Variants in RARS2 observed in about 807,000 individuals in gnomAD.
RARS2 encodes the protein arginyl-tRNA synthetase 2, mitochondrial.
Under a neutral mutation model 88.5 loss-of-function variants are expected in RARS2, and 67 were observed. The ratio of observed to expected loss-of-function variants is 0.76; its 90% CI spans 0.62 to 0.93. The LOEUF (loss-of-function observed/expected upper bound fraction) is 0.93. RARS2 is among the 40% of genes least tolerant of loss of function. The pLI is 0.00. For missense variants in RARS2, 664 were observed against 684.2 expected (o/e 0.97, Z 0.33); for synonymous variants, 239 against 230.3 (o/e 1.04, Z -0.34).
chr6:87,550,701 C>T (rs1432592109), intron 5 of RARS2, among the ~76,000 whole-genome samples: 1 of 132,354 alleles, frequency 7.6e-6, no homozygotes, highest in East Asian at 2.1e-4. Flanking sequence ...TCAATGAAGC[C>T]GATTTAAGAA....
chr6:87,514,445 G>A lies in RARS2; in HGVS notation c.1705C>T (p.Leu569Phe), dbSNP rs371417663. Residue 569 changes from leucine (L) to phenylalanine (F), a missense_variant, in exon 20 of 20, where the codon CTT becomes TTT. Physicochemically the swap from Leu to Phe is conservative, Grantham distance 22 (BLOSUM62 0). Transcript: ENST00000369536. ...VRSVLANGMK[L>F]LGITPVCRM is the part of the protein sequence containing the mutation. ...CTACATACAGGTGTTATTCCAAGAA[G>A]TTTCATTCCATTGGCTAGGACAGAA... 6.2e-7 allele frequency: 1 copy of A among 1,612,502 alleles called. No individual in the cohort carries two copies. Among genetic ancestry groups the A allele is most frequent in the East Asian group, 2.2e-5 (1 of 44,836 alleles).
chr6:87,587,782 C>CT (rs945439438), intron 1 of RARS2, among the ~76,000 whole-genome samples: 6 of 151,794 alleles, frequency 4.0e-5, no homozygotes, highest in South Asian at 2.1e-4. Flanking sequence ...TTATCTTTTT[C>CT]TTTTTTTTGA....
chr6:87,566,004 C>T (rs1485556106), intron 2 of RARS2, among the ~76,000 whole-genome samples: 5 of 152,226 alleles, frequency 3.3e-5, no homozygotes, highest in African/African-American at 1.2e-4. Flanking sequence ...AATACATCAT[C>T]CAGCAGCCTA....
intron 7 of RARS2, among the ~76,000 whole-genome samples, chr6:87,543,813 G>A (rs1781790476): frequency 6.6e-6 from 1 of 152,170 alleles, no homozygotes; most frequent in African/African-American, 2.4e-5. Flanking sequence ...AAGGATGACT[G>A]AAGCTCTATT....
In RARS2 at chr6:87,518,276, TTTAAAG is replaced by T; in HGVS notation, c.1416-18_1416-13del. 7 of 1,614,060 alleles carry T rather than the reference TTTAAAG, an allele frequency of 4.3e-6. No homozygotes were observed. Among genetic ancestry groups the T allele is most frequent in the Non-Finnish European group, 5.9e-6 (7 of 1,179,998 alleles). ...AAGTCTCTTCCAAACTTATCAAAAGTTTAAAGTTAAAAACATCAAAAGATTAAAAAG... is the reference window on the plus strand; with the variant it reads ...AAGTCTCTTCCAAACTTATCAAAAGTTTAAAAACATCAAAAGATTAAAAAG... On this transcript the variant is annotated splice_polypyrimidine_tract_variant and intron_variant, in intron 16 of 19. Coordinates refer to ENST00000369536, the MANE Select transcript of RARS2 (RefSeq NM_020320.5).
At chr6:87,524,845 G>A (rs184399330) in intron 10 of RARS2, among the ~76,000 whole-genome samples, 193 bp from the exon 11 acceptor site, 1 of 152,282 alleles carries the variant, frequency 6.6e-6, no homozygotes, top group Admixed American at 6.5e-5. Context: ...TGGGTATGAT[G>A]TAATTAATAT....
chr6:87,538,802 G>A (rs933235222), intron 8 of RARS2, among the ~76,000 whole-genome samples: 1 of 152,164 alleles, frequency 6.6e-6, no homozygotes, highest in African/African-American at 2.4e-5. Flanking sequence ...GGGAGTTTGA[G>A]GCAGGAGGAC....
intron 9 of RARS2, 31 bp downstream of exon 9, chr6:87,530,753 T>A: frequency 6.2e-7 from 1 of 1,611,590 alleles, no homozygotes; most frequent in Non-Finnish European, 8.5e-7. Context: ...CACTGCATCA[T>A]GGGAAAGCAG....
chr6:87,583,540 G>C (rs2128224915), intron 1 of RARS2, among the ~76,000 whole-genome samples: 1 of 150,752 alleles, frequency 6.6e-6, no homozygotes, highest in South Asian at 2.1e-4. Flanking sequence ...GGTGAGCCGA[G>C]ATTGTGCCAT....
At chr6:87,555,343 T>G in intron 5 of RARS2, 65 bp downstream of exon 5, 4 of 1,212,034 alleles carry the variant, frequency 3.3e-6, no homozygotes, top group Admixed American at 3.5e-5. Context: ...CAAATAATGA[T>G]GGTAATAACA....
intron 1 of RARS2, among the ~76,000 whole-genome samples, chr6:87,583,216 G>A (rs1774132890): frequency 6.6e-6 from 1 of 152,192 alleles, no homozygotes; most frequent in Non-Finnish European, 1.5e-5. Flanking sequence ...AGATAAAGAG[G>A]ATATGGAGTT....
chr6:87,528,971 A>G (rs1776598505), intron 10 of RARS2, among the ~76,000 whole-genome samples: 1 of 152,228 alleles, frequency 6.6e-6, no homozygotes. Context: ...GTTGTACACC[A>G]TAAATATATA....
intron 1 of RARS2, among the ~76,000 whole-genome samples, chr6:87,588,808 C>T (rs529497144): frequency 2.6e-5 from 4 of 152,298 alleles, no homozygotes; most frequent in African/African-American, 9.6e-5. Context: ...CTCCAACACC[C>T]TCCTACCCTC....
chr6:87,548,701 T>A, intron 5 of RARS2, 55 bp from the exon 6 acceptor site: 3 of 1,504,144 alleles, frequency 2.0e-6, no homozygotes, highest in Non-Finnish European at 2.8e-6. Context: ...CTTCTAAGAA[T>A]CAACTAGGTC....
intron 1 of RARS2, among the ~76,000 whole-genome samples, chr6:87,575,276 C>CACACACACA: frequency 6.9e-6 from 1 of 145,030 alleles, no homozygotes; most frequent in Admixed American, 7.0e-5. Context: ...CACACACACA[C>CACACACACA]ACCTTGGCTT....
At chr6:87,532,218 T>C (rs189250323) in intron 8 of RARS2, among the ~76,000 whole-genome samples, 2 of 152,202 alleles carry the variant, frequency 1.3e-5, no homozygotes, top group African/African-American at 2.4e-5. Flanking sequence ...AATTACCTTT[T>C]TTTTTCCCCC....
At chr6:87,537,446 G>A (rs2128093298) in intron 8 of RARS2, among the ~76,000 whole-genome samples, 1 of 152,300 alleles carries the variant, frequency 6.6e-6, no homozygotes, top group Middle Eastern at 3.4e-3. Flanking sequence ...TGTTAACAAA[G>A]TAAGTTAAAT....
intron 1 of RARS2, among the ~76,000 whole-genome samples, chr6:87,588,819 T>C (rs1012638601): frequency 3.9e-5 from 6 of 152,098 alleles, no homozygotes; most frequent in Non-Finnish European, 7.3e-5. Flanking sequence ...TCCTACCCTC[T>C]CCCTCTGAAA....
chr6:87,534,479 AC>A (rs1778537767), intron 8 of RARS2, among the ~76,000 whole-genome samples: 1 of 152,222 alleles, frequency 6.6e-6, no homozygotes, highest in African/African-American at 2.4e-5. Context: ...ATAAATGTTA[AC>A]ATTTCTCATG....
Sources: allele counts gnomAD v4.1 joint callset (sites outside exome capture counted in the v4.1 genomes callset), GRCh38; gene constraint gnomAD v4.1.1; transcripts MANE v1.5; gene names NCBI Gene and HGNC (gene_info 2026-07-23, HGNC 2026-07-21).